TAFA4: variants seen among roughly 807,000 people sequenced by gnomAD.
TAFA4 encodes chemokine-like protein TAFA-4.
A neutral mutation model predicts 21.1 loss-of-function variants in TAFA4; 20 were observed. That is an observed-to-expected ratio of 0.95 (90% CI 0.67 to 1.38). TAFA4 has a LOEUF of 1.38. Ranked by LOEUF, TAFA4 falls within the 40% of genes most tolerant of loss-of-function variation. TAFA4 has a pLI of 0.00. For missense variants in TAFA4, 211 were observed against 180.9 expected, an observed-to-expected ratio of 1.17 and a Z score of -0.95; for synonymous variants, 71 against 67.4, an observed-to-expected ratio of 1.05 and a Z score of -0.26.
chr3:68,753,054 C>G (rs199571082), intron 3 of TAFA4, 36 bp from the exon 4 acceptor site: 5 of 1,596,220 alleles, frequency 3.1e-6, no homozygotes, highest in East Asian at 2.3e-5. Flanking sequence ...AAACCCAGTG[C>G]TGTTAGAAGG....
In TAFA4 at chr3:68,885,204, T is replaced by C. The variant is rs1559553751; in HGVS notation, c.-16A>G. On this transcript the variant is annotated 5_prime_UTR_variant, in exon 2 of 6. Transcript: ENST00000295569. ...GGGACCTCATAAGATGTGGTTCTAG[T>C]CAAACACACTTATTCCAGGATATAT... 1 of 1,611,706 alleles carries C rather than the reference T, an allele frequency of 6.2e-7. No homozygotes were observed. Among genetic ancestry groups the C allele is most frequent in the South Asian group, 1.1e-5 (1 of 90,724 alleles).
At chr3:68,735,637 G>GC (rs1702228853) in intron 5 of TAFA4, among the ~76,000 whole-genome samples, 2 of 152,034 alleles carry the variant, frequency 1.3e-5, no homozygotes, top group South Asian at 4.1e-4. Flanking sequence ...GGGACAGGCA[G>GC]ATTAGAGAGC....
chr3:68,819,799 G>A (rs1704074180), intron 3 of TAFA4, among the ~76,000 whole-genome samples: 1 of 152,168 alleles, frequency 6.6e-6, no homozygotes, highest in Non-Finnish European at 1.5e-5. Context: ...TGTTGGTGAG[G>A]ATGCAGAGAA....
chr3:68,840,725 A>G (rs1704641293), intron 3 of TAFA4, among the ~76,000 whole-genome samples: 1 of 152,140 alleles, frequency 6.6e-6, no homozygotes, highest in Admixed American at 6.5e-5. Context: ...TAGAAAAAGT[A>G]CAGTTCCACA....
At chr3:68,817,912 A>G (rs1704024877) in intron 3 of TAFA4, among the ~76,000 whole-genome samples, 1 of 152,158 alleles carries the variant, frequency 6.6e-6, no homozygotes, top group African/African-American at 2.4e-5. Flanking sequence ...GTTGTAAATG[A>G]GCACTGGGTT....
intron 1 of TAFA4, among the ~76,000 whole-genome samples, chr3:68,908,523 A>G (rs1404264066): frequency 4.3e-3 from 2 of 466 alleles, no homozygotes; most frequent in Non-Finnish European, 0.11. Flanking sequence ...AGCAAAAGTG[A>G]AAAAAAAAAA....
intron 3 of TAFA4, among the ~76,000 whole-genome samples, chr3:68,845,406 T>G (rs1478824725): frequency 1.3e-5 from 2 of 152,128 alleles, no homozygotes; most frequent in African/African-American, 4.8e-5. Context: ...TTTTGAGCCT[T>G]TGAACCTTTG....
chr3:68,738,445 A>C (rs1702284015), intron 5 of TAFA4, among the ~76,000 whole-genome samples: 1 of 152,070 alleles, frequency 6.6e-6, no homozygotes, highest in African/African-American at 2.4e-5. Flanking sequence ...GCAGTCTAGC[A>C]GTCTAGATTC....
chr3:68,871,944 T>C (rs997725476), intron 3 of TAFA4, among the ~76,000 whole-genome samples: 1 of 152,010 alleles, frequency 6.6e-6, no homozygotes, highest in African/African-American at 2.4e-5. Flanking sequence ...CACTCATACA[T>C]CATTGGGGGA....
At position 68,824,527 on chromosome 3, in the gene TAFA4, C is replaced by T. The variant is rs868234220; in HGVS notation, c.130+56203G>A. On this transcript the variant is annotated intron_variant, in intron 3 of 5. Coordinates refer to ENST00000295569, the MANE Select transcript of TAFA4 (RefSeq NM_182522.5). Reference sequence around the variant, plus strand: ...TTGGTGATGACAGTGTGTCCATTTACATAATCTAGGATCATTTCCCCATCT... The same window carrying T: ...TTGGTGATGACAGTGTGTCCATTTATATAATCTAGGATCATTTCCCCATCT... Among the ~76,000 whole-genome samples the T allele has an allele frequency of 3.9e-5, 6 of 152,296 alleles. No individual in the cohort carries two copies. In the South Asian group the frequency reaches 1.2e-3, roughly 32 times the overall value.
At chr3:68,781,452 A>G (rs1303130050) in intron 3 of TAFA4, among the ~76,000 whole-genome samples, 1 of 152,038 alleles carries the variant, frequency 6.6e-6, no homozygotes, top group East Asian at 1.9e-4. Context: ...AAACATCACT[A>G]CTGATTATAT....
chr3:68,918,136 C>CAT (rs966091318), intron 1 of TAFA4, among the ~76,000 whole-genome samples: 1 of 149,578 alleles, frequency 6.7e-6, no homozygotes, highest in Admixed American at 6.6e-5. Flanking sequence ...CACACATACA[C>CAT]ACACACACAC....
chr3:68,901,822 A>G (rs1032490240), intron 1 of TAFA4, among the ~76,000 whole-genome samples: 7 of 152,132 alleles, frequency 4.6e-5, no homozygotes, highest in Admixed American at 6.5e-5. Flanking sequence ...GATCTTGCCA[A>G]CCCAAGGCTT....
At chr3:68,895,321 G>A (rs2089777725) in intron 1 of TAFA4, among the ~76,000 whole-genome samples, 1 of 152,140 alleles carries the variant, frequency 6.6e-6, no homozygotes, top group Non-Finnish European at 1.5e-5. Context: ...TTTCAGTAGA[G>A]ATGAGGTTTC....
chr3:68,891,851 A>T (rs1030702055), intron 1 of TAFA4, among the ~76,000 whole-genome samples: 2 of 152,196 alleles, frequency 1.3e-5, no homozygotes, highest in Non-Finnish European at 2.9e-5. Context: ...AAATGAGGTA[A>T]TATGTTTCCA....
intron 3 of TAFA4, among the ~76,000 whole-genome samples, chr3:68,785,509 C>G (rs1703236308): frequency 6.6e-6 from 1 of 152,246 alleles, no homozygotes; most frequent in Non-Finnish European, 1.5e-5. Flanking sequence ...ACAGCAGCTG[C>G]TGGCCCAGGT....
chr3:68,875,602 G>C (rs1461633315), intron 3 of TAFA4, among the ~76,000 whole-genome samples: 2 of 152,106 alleles, frequency 1.3e-5, no homozygotes, highest in Non-Finnish European at 2.9e-5. Context: ...AAGGAAGATA[G>C]AGAAAAGTAC....
chr3:68,806,369 A>G (rs1412720915), intron 3 of TAFA4, among the ~76,000 whole-genome samples: 2 of 152,196 alleles, frequency 1.3e-5, no homozygotes, highest in African/African-American at 4.8e-5. Context: ...AAATGTTTTA[A>G]TTCAAATGAC....
chr3:68,739,041 T>C (rs757805449), intron 5 of TAFA4, 34 bp downstream of exon 5: 3 of 1,610,432 alleles, frequency 1.9e-6, no homozygotes, highest in South Asian at 2.2e-5. Flanking sequence ...AGTTGATAAC[T>C]TGTAAATTGT....
Sources: gnomAD v4.1 joint callset for allele counts (sites outside exome capture counted in the v4.1 genomes callset) on GRCh38, gnomAD v4.1.1 for gene constraint, MANE v1.5 for transcripts, NCBI Gene and HGNC (gene_info 2026-07-23, HGNC 2026-07-21) for gene names.